Variants in BBS4 observed in about 807,000 individuals in gnomAD.
BBS4 encodes Bardet-Biedl syndrome 4, also known as BBSome complex member BBS4.
Under a neutral mutation model 71.4 loss-of-function variants are expected in BBS4, and 58 were observed. The observed-to-expected ratio is 0.81, with a 90% CI of 0.66 to 1.01. The LOEUF is 1.01. Among genes scored for constraint, BBS4 ranks in the 50% least tolerant of loss-of-function variants. The pLI is 0.00. For missense variants in BBS4, 660 were observed against 607.9 expected (o/e 1.09, Z -0.90); for synonymous variants, 228 against 216.8 (o/e 1.05, Z -0.46).
At chr15:72,727,906 A>G (rs761072005) in intron 8 of BBS4, 34 bp from the exon 9 acceptor site, 3 of 1,548,544 alleles carry the variant, frequency 1.9e-6, no homozygotes, top group Admixed American at 1.7e-5. Context: ...TCTCATCTAC[A>G]TCTTGTTTCC....
At chr15:72,721,547 A>G (rs2065577149) in intron 6 of BBS4, among the ~76,000 whole-genome samples, 1 of 152,226 alleles carries the variant, frequency 6.6e-6, no homozygotes, top group South Asian at 2.1e-4. Flanking sequence ...CAATTTCCTT[A>G]TCTGTAAAAT....
At chr15:72,719,186 T>C (rs1447133770) in intron 6 of BBS4, among the ~76,000 whole-genome samples, 2 of 151,682 alleles carry the variant, frequency 1.3e-5, no homozygotes, top group Non-Finnish European at 2.9e-5. Flanking sequence ...ATGGTCACCA[T>C]ACAGGCCAGG....
At chr15:72,704,482 G>T in intron 2 of BBS4, 1 of 1,275,738 alleles carries the variant, frequency 7.8e-7, no homozygotes, top group Non-Finnish European at 1.0e-6. Flanking sequence ...ATATTTACAG[G>T]TAAAATTCTA....
Position 72,729,666 on chromosome 15 carries a change from T to A in BBS4, c.693T>A (p.Tyr231Ter), listed in dbSNP as rs757599042. The A allele has an allele frequency of 6.2e-7, 1 of 1,614,022 alleles. No individual in the cohort carries two copies. The highest frequency in any genetic ancestry group is 8.5e-7 in the Non-Finnish European group (1 of 1,180,004). ...AFEHLGNALT[Y>*]DPTNYKAILA... ...AACATCTTGGCAATGCACTGACTTATGACCCTACCAACTACAAGGTATTAC... is the reference window on the plus strand; with the variant it reads ...AACATCTTGGCAATGCACTGACTTAAGACCCTACCAACTACAAGGTATTAC... Residue 231 changes from tyrosine to a stop codon, truncating the protein, a stop_gained, in exon 10 of 16, where the codon TAT (tyrosine) becomes TAA (stop). Coordinates refer to ENST00000268057, the MANE Select transcript of BBS4 (RefSeq NM_033028.5). LOFTEE classifies it high-confidence loss of function.
In BBS4 at chr15:72,712,245, C is replaced by T. The variant is rs750645085; in HGVS notation, c.158C>T (p.Ala53Val). ...YIRKDYEACK[A>V]VIKEQLQETQ... is the part of the protein sequence containing the mutation. ...GAAGCATTTTTCTCCCTCTTTCAGG[C>T]TGTTATCAAAGAACAGCTTCAAGAG... The change falls in exon 4 of 16, where the codon GCT (alanine) becomes GTT (valine). Residue 53 changes from alanine to valine, a missense_variant and splice_region_variant. Ala to Val is a moderately conservative substitution (Grantham distance 64, BLOSUM62 0). Transcript: ENST00000268057. 9.9e-6 allele frequency: 16 copies of T among 1,613,638 alleles called. No homozygotes were observed. The highest frequency in any genetic ancestry group is 1.3e-5 in the African/African-American group (1 of 74,912).
At chr15:72,702,900 C>T (rs988530688) in intron 2 of BBS4, among the ~76,000 whole-genome samples, 4 of 147,106 alleles carry the variant, frequency 2.7e-5, no homozygotes, top group South Asian at 2.2e-4. Context: ...CTCCGCCTTC[C>T]GGGTTCACGC....
intron 2 of BBS4, among the ~76,000 whole-genome samples, chr15:72,707,067 A>C (rs533028326): frequency 6.6e-6 from 1 of 151,916 alleles, no homozygotes; most frequent in East Asian, 1.9e-4. Context: ...TGGACATAGA[A>C]GTTTTTTGGT....
chr15:72,688,588 G>A (rs1005897274), intron 1 of BBS4, among the ~76,000 whole-genome samples: 2 of 151,488 alleles, frequency 1.3e-5, no homozygotes, highest in African/African-American at 4.8e-5. Context: ...TTATTTTTGT[G>A]GAGATGGGGT....
At chr15:72,689,375 G>C (rs1331876463) in intron 1 of BBS4, among the ~76,000 whole-genome samples, 1 of 152,194 alleles carries the variant, frequency 6.6e-6, no homozygotes, top group East Asian at 1.9e-4. Flanking sequence ...ATTGCTACCA[G>C]TTCCTTAGAA....
At chr15:72,737,447 A>T in intron 15 of BBS4, 31 bp from the exon 16 acceptor site, 1 of 1,537,430 alleles carries the variant, frequency 6.5e-7, no homozygotes, top group Non-Finnish European at 9.0e-7. Context: ...ATTGTGGAAC[A>T]TGAGGATTCA....
chr15:72,704,533 G>A, intron 2 of BBS4: 1 of 1,042,326 alleles, frequency 9.6e-7, no homozygotes, highest in South Asian at 1.3e-5. Context: ...GATTTCTGAG[G>A]TATCCAGAAT....
intron 1 of BBS4, among the ~76,000 whole-genome samples, chr15:72,690,064 C>A (rs2064957335): frequency 6.6e-6 from 1 of 152,106 alleles, no homozygotes; most frequent in African/African-American, 2.4e-5. Flanking sequence ...CCCGACTCAG[C>A]CTCCCAAAGT....
At chr15:72,715,240 T>A (rs1595927835) in intron 4 of BBS4, 51 bp from the exon 5 acceptor site, 1 of 1,424,116 alleles carries the variant, frequency 7.0e-7, no homozygotes, top group Non-Finnish European at 9.9e-7. Flanking sequence ...CAGGCTCCAT[T>A]CTTCCCAGAA....
Position 72,710,195 on chromosome 15 carries a change from G to GTTCTTTTTTTTT in BBS4, c.156+418_156+419insCTTTTTTTTTTT, listed in dbSNP as rs1239689474. Among the ~76,000 whole-genome samples, 88 of 103,436 alleles carry GTTCTTTTTTTTT rather than the reference G, an allele frequency of 8.5e-4. 12 individuals carry two copies. Among genetic ancestry groups the GTTCTTTTTTTTT allele is most frequent in the African/African-American group, 3.0e-3 (83 of 27,236 alleles). The allele number at this position is 103,436 out of a possible 152,430, so 67.9% of individuals were successfully genotyped here. A position where few individuals can be genotyped will look rare whatever the true frequency, so the allele number is the denominator to read the frequency against. Reference sequence around the variant, plus strand: ...TAGATGAAAAATGGTATTTTGTCGAGTTTTTTTTTTTTTTTTTTTTTTTTT... The same window carrying GTTCTTTTTTTTT: ...TAGATGAAAAATGGTATTTTGTCGAGTTCTTTTTTTTTTTTTTTTTTTTTTTTTTTTTTTTTT... On this transcript the variant is annotated intron_variant, in intron 3 of 15. Transcript: ENST00000268057.
chr15:72,694,183 C>A (rs2065034858), intron 1 of BBS4, among the ~76,000 whole-genome samples: 1 of 98,898 alleles, frequency 1.0e-5, no homozygotes, highest in South Asian at 4.6e-4. Flanking sequence ...CGGCGTCTGG[C>A]CTTTCTTTCC....
intron 1 of BBS4, among the ~76,000 whole-genome samples, chr15:72,692,304 A>ATTTTT (rs398027909): frequency 8.4e-5 from 5 of 59,192 alleles, no homozygotes; most frequent in East Asian, 6.4e-4. Flanking sequence ...TTACATTGCA[A>ATTTTT]TTTTTTTTTT....
intron 6 of BBS4, among the ~76,000 whole-genome samples, chr15:72,717,906 T>C (rs1433667287): frequency 1.3e-5 from 2 of 152,152 alleles, no homozygotes; most frequent in East Asian, 1.9e-4. Flanking sequence ...TGGAGTGCAG[T>C]GGCGTGATCT....
chr15:72,712,580 T>C (rs1365597870), intron 4 of BBS4, among the ~76,000 whole-genome samples: 7 of 152,250 alleles, frequency 4.6e-5, no homozygotes, highest in Non-Finnish European at 8.8e-5. Flanking sequence ...GCAGGTGTTA[T>C]ACCGAATACT....
intron 12 of BBS4, among the ~76,000 whole-genome samples, chr15:72,734,035 A>G (rs1253220439): frequency 6.6e-6 from 1 of 152,244 alleles, no homozygotes; most frequent in East Asian, 1.9e-4. Context: ...AGAGTTTTTC[A>G]TATGCTTGTT....
Sources: gnomAD v4.1 joint callset for allele counts (sites outside exome capture counted in the v4.1 genomes callset) on GRCh38, gnomAD v4.1.1 for gene constraint, MANE v1.5 for transcripts, NCBI Gene and HGNC (gene_info 2026-07-23, HGNC 2026-07-21) for gene names.